The following CEP290 variants were observed in gnomAD, a reference collection of about 807,000 sequenced individuals.
The protein encoded by CEP290 is centrosomal protein 290, also known as centrosomal protein of 290 kDa.
Under a neutral mutation model 344.9 loss-of-function variants are expected in CEP290, and 317 were observed. The observed-to-expected ratio is 0.92, with a 90% CI of 0.84 to 1.01. The LOEUF is 1.01. CEP290 is among the 50% of genes least tolerant of loss of function. The probability of loss-of-function intolerance (pLI) is 0.00; values close to 1 mark genes in which losing one functional copy is unlikely to be tolerated. For synonymous variants in CEP290, 932 were observed against 895.8 expected (o/e 1.04, Z -0.72); for missense variants, 2,754 against 2,761.4 (o/e 1.00, Z 0.06).
At chr12:88,092,326 C>A (rs1428869847) in intron 29 of CEP290, among the ~76,000 whole-genome samples, 1 of 152,068 alleles carries the variant, frequency 6.6e-6, no homozygotes, top group Non-Finnish European at 1.5e-5. Context: ...GGTACTATTA[C>A]TCCCTTATTA....
chr12:88,119,803 G>GA (rs924156244), intron 15 of CEP290, among the ~76,000 whole-genome samples: 6 of 149,794 alleles, frequency 4.0e-5, no homozygotes, highest in Non-Finnish European at 8.9e-5. Flanking sequence ...CTTTTGTTGG[G>GA]AAAAAAAAAG....
chr12:88,060,079 TAA>T (rs1314656457), intron 47 of CEP290, 59 bp from the exon 48 acceptor site: 2 of 1,322,856 alleles, frequency 1.5e-6, no homozygotes, highest in Non-Finnish European at 2.0e-6. Flanking sequence ...AAATAAAAGA[TAA>T]TCTTATAAAC....
chr12:88,077,564 G>C (rs1210336738), intron 40 of CEP290, 133 bp downstream of exon 40: 1 of 697,034 alleles, frequency 1.4e-6, no homozygotes, highest in Non-Finnish European at 2.3e-6. Flanking sequence ...AGTCACAAAA[G>C]AAATTAATTA....
intron 6 of CEP290, 82 bp downstream of exon 6, chr12:88,136,561 A>G (rs2138211757): frequency 7.5e-7 from 1 of 1,331,006 alleles, no homozygotes. Flanking sequence ...CATACAATAT[A>G]AAAATTGATA....
chr12:88,125,998 T>A (rs1468128419), intron 12 of CEP290, among the ~76,000 whole-genome samples: 1 of 152,040 alleles, frequency 6.6e-6, no homozygotes, highest in Non-Finnish European at 1.5e-5. Context: ...TAAAAGAGTA[T>A]AAAATTATTT....
At chr12:88,099,811 C>A (rs893258847) in intron 26 of CEP290, among the ~76,000 whole-genome samples, 1 of 152,018 alleles carries the variant, frequency 6.6e-6, no homozygotes, top group African/African-American at 2.4e-5. Flanking sequence ...TTCTTCCTTT[C>A]ATCCTTTTTC....
intron 53 of CEP290, 168 bp downstream of exon 53, chr12:88,050,186 T>C: frequency 2.0e-6 from 1 of 500,748 alleles, no homozygotes; most frequent in East Asian, 3.5e-5. Context: ...TTTTGTTAAC[T>C]CTAATATGTT....
intron 29 of CEP290, among the ~76,000 whole-genome samples, chr12:88,092,015 C>T (rs997355230): frequency 6.6e-5 from 10 of 152,156 alleles, no homozygotes; most frequent in Admixed American, 4.6e-4. Flanking sequence ...CGGGATCAAG[C>T]GATTCTCCTG....
intron 28 of CEP290, among the ~76,000 whole-genome samples, chr12:88,093,106 T>C (rs2037171217): frequency 6.6e-6 from 1 of 152,146 alleles, no homozygotes; most frequent in African/African-American, 2.4e-5. Flanking sequence ...ATATTCTTAC[T>C]TTGCTTAGAA....
chr12:88,092,565 A>G, intron 29 of CEP290, 116 bp downstream of exon 29: 1 of 794,492 alleles, frequency 1.3e-6, no homozygotes, highest in South Asian at 2.3e-5. Context: ...CTGTTCTTAT[A>G]AAAAGAAATC....
At chr12:88,093,364 T>C (rs2037189047) in intron 28 of CEP290, among the ~76,000 whole-genome samples, 1 of 152,082 alleles carries the variant, frequency 6.6e-6, no homozygotes, top group Non-Finnish European at 1.5e-5. Context: ...ATCAAAAATA[T>C]ATAAAACCAC....
intron 18 of CEP290, chr12:88,116,016 A>G (rs1413422087): frequency 1.0e-6 from 1 of 985,372 alleles, no homozygotes; most frequent in East Asian, 1.1e-4. Context: ...TGATTTATCC[A>G]TGTCAGCTCT....
intron 39 of CEP290, 65 bp downstream of exon 39, chr12:88,079,027 T>C (rs1481929269): frequency 7.3e-7 from 1 of 1,376,244 alleles, no homozygotes; most frequent in Middle Eastern, 1.8e-4. Flanking sequence ...CTATATATCA[T>C]AGTGAATTCT....
At chr12:88,092,590 C>T in intron 29 of CEP290, 91 bp downstream of exon 29, 6 of 1,099,180 alleles carry the variant, frequency 5.5e-6, no homozygotes, top group Non-Finnish European at 7.6e-6. Context: ...TCAATTACTA[C>T]TAAGAATTGT....
intron 34 of CEP290, 55 bp downstream of exon 34, chr12:88,085,984 G>A: frequency 6.8e-7 from 1 of 1,471,874 alleles, no homozygotes; most frequent in Non-Finnish European, 9.2e-7. Context: ...TATTTAGAAA[G>A]CCCCCCAAAC....
rs1469392631 is a variant in CEP290, at chr12:88,092,667, T to A, written c.3461+14A>T. Reference sequence around the variant, plus strand: ...ACATCTAGTCAAATGGCTAAAATGCTTATATGCACTTACTTTGACACTTCA... The same window carrying A: ...ACATCTAGTCAAATGGCTAAAATGCATATATGCACTTACTTTGACACTTCA... On this transcript the variant is annotated intron_variant, in intron 29 of 53. Coordinates refer to ENST00000552810, the MANE Select transcript of CEP290 (RefSeq NM_025114.4). The A allele has an allele frequency of 1.1e-5, 17 of 1,596,608 alleles. No homozygotes were observed. The highest frequency in any genetic ancestry group is 1.4e-5 in the Non-Finnish European group (17 of 1,172,744).
At chr12:88,089,566 A>G (rs1317596108) in intron 30 of CEP290, 79 bp from the exon 31 acceptor site, 13 of 1,100,398 alleles carry the variant, frequency 1.2e-5, no homozygotes, top group Non-Finnish European at 1.5e-5. Context: ...AAAATTCACA[A>G]TTTACTAAGC....
chr12:88,083,836 T>C lies in CEP290; in HGVS notation c.4812+11A>G. 1 of 1,496,596 alleles carries C rather than the reference T, an allele frequency of 6.7e-7. No individual in the cohort carries two copies. The highest frequency in any genetic ancestry group is 1.4e-5 in the African/African-American group (1 of 71,896). 92.7% of individuals were successfully genotyped at this position (1,496,596 alleles called of 1,614,324 possible). A position where few individuals can be genotyped will look rare whatever the true frequency, so the allele number is the denominator to read the frequency against. On this transcript the variant is annotated intron_variant, in intron 36 of 53. Transcript: ENST00000552810. ...TCAATAAAGAATGGAACAAAGTTCTTAGAATCTTACCCAAGCCGTTTGTTT... is the reference window on the plus strand; with the variant it reads ...TCAATAAAGAATGGAACAAAGTTCTCAGAATCTTACCCAAGCCGTTTGTTT...
At position 88,136,808 on chromosome 12, in the gene CEP290, T is replaced by C. The variant is rs747019822; in HGVS notation, c.298-22A>G. On this transcript the variant is annotated intron_variant, in intron 5 of 53. Transcript: ENST00000552810. Reference sequence around the variant, plus strand: ...CCATCTTAAAGTAATAAACCCAAAGTATAAATTAATCCCATTATATTTTGA... The same window carrying C: ...CCATCTTAAAGTAATAAACCCAAAGCATAAATTAATCCCATTATATTTTGA... 8.1e-6 allele frequency: 13 copies of C among 1,608,108 alleles called. 1 individual carries two copies. The South Asian group carries it at 1.3e-4, about 16-fold the overall frequency.
Sources: gnomAD v4.1 joint callset for allele counts (sites outside exome capture counted in the v4.1 genomes callset) on GRCh38, gnomAD v4.1.1 for gene constraint, MANE v1.5 for transcripts, NCBI Gene and HGNC (gene_info 2026-07-23, HGNC 2026-07-21) for gene names.